The following FAF1 variants were observed in gnomAD, a reference collection of about 807,000 sequenced individuals.
The protein encoded by FAF1 is FAS-associated factor 1.
In FAF1, 25 loss-of-function variants were observed where a neutral mutation model predicts 92.5. The ratio of observed to expected loss-of-function variants is 0.27; its 90% CI spans 0.20 to 0.38. FAF1 has a LOEUF of 0.38. Ranked by LOEUF, FAF1 falls within the 10% of genes least tolerant of loss-of-function variation. The pLI, the probability that FAF1 is intolerant of heterozygous loss-of-function variation, is 1.00. For synonymous variants in FAF1, 234 were observed against 273.2 expected, an observed-to-expected ratio of 0.86 and a Z score of 1.42; for missense variants, 636 against 793.3, an observed-to-expected ratio of 0.80 and a Z score of 2.38.
chr1:50,908,655 T>C lies in FAF1; in HGVS notation c.46-50658A>G, dbSNP rs1311912257. 7.9e-5 allele frequency among the ~76,000 whole-genome samples: 12 copies of C among 152,290 alleles called. No homozygotes were observed. In the East Asian group the frequency reaches 2.1e-3, roughly 27 times the overall value. On this transcript the variant is annotated intron_variant, in intron 1 of 18. Transcript: ENST00000396153. Reference sequence around the variant, plus strand: ...CCTTCTTTGTCTCTTTTGATCTTTGTTGGTTTAAAGTCTGTTTTATCAGAG... The same window carrying C: ...CCTTCTTTGTCTCTTTTGATCTTTGCTGGTTTAAAGTCTGTTTTATCAGAG...
At chr1:50,796,460 C>T (rs931758511) in intron 3 of FAF1, among the ~76,000 whole-genome samples, 3 of 152,148 alleles carry the variant, frequency 2.0e-5, no homozygotes, top group Non-Finnish European at 1.5e-5. Context: ...AGGGCTCTTC[C>T]GCTGAGCTAC....
rs34177866 is a variant in FAF1, at chr1:50,624,897, CTTT to C, written c.745-28684_745-28682del. On this transcript the variant is annotated intron_variant, in intron 8 of 18. Coordinates refer to ENST00000396153, the MANE Select transcript of FAF1 (RefSeq NM_007051.3). ...TTATACAGCACTAGAATCCCACACT[CTTT>C]TTTTTTTTTTTTTTTTTTGAGAAGC... 6.2e-3 allele frequency among the ~76,000 whole-genome samples: 777 copies of C among 124,744 alleles called. 7 individuals carry two copies. The highest frequency in any genetic ancestry group is 0.023 in the African/African-American group (735 of 32,630). The allele number at this position is 124,744 out of a possible 152,430, so 81.8% of individuals were successfully genotyped here.
At chr1:50,611,733 A>G (rs1652694667) in intron 8 of FAF1, among the ~76,000 whole-genome samples, 2 of 152,198 alleles carry the variant, frequency 1.3e-5, no homozygotes, top group South Asian at 2.1e-4. Context: ...GTGGACAGAT[A>G]CGTATTTTTC....
intron 8 of FAF1, among the ~76,000 whole-genome samples, chr1:50,597,942 T>G (rs1349549470): frequency 6.6e-6 from 1 of 152,086 alleles, no homozygotes. Flanking sequence ...AAACTCAGAG[T>G]GTCCTGAGTT....
intron 4 of FAF1, among the ~76,000 whole-genome samples, chr1:50,760,166 G>C (rs1307052296): frequency 6.6e-6 from 1 of 152,024 alleles, no homozygotes; most frequent in African/African-American, 2.4e-5. Flanking sequence ...ACCCAATACA[G>C]GAGCACCCAG....
At position 50,539,663 on chromosome 1, in the gene FAF1, G is replaced by A. The variant is rs370024425; in HGVS notation, c.1334C>T (p.Thr445Met). The change falls in exon 14 of 19, where the codon ACG becomes ATG. Residue 445 changes from threonine (T) to methionine (M), a missense_variant. This residue lies in a region of FAF1 where 319 missense variants were observed against 451.0 expected (regional missense o/e 0.71). Coordinates refer to ENST00000396153, the MANE Select transcript of FAF1 (RefSeq NM_007051.3). Reference sequence around the variant, plus strand: ...AATCAGGAAAAGCGGAAACTGATCCGTTTTTTGAGTCCGAATGGTTTGTGC... The same window carrying A: ...AATCAGGAAAAGCGGAAACTGATCCATTTTTTGAGTCCGAATGGTTTGTGC... ...VVAQTIRTQK[T>M]DQFPLFLIIM... 40 of 1,611,776 alleles carry A rather than the reference G, an allele frequency of 2.5e-5. No homozygotes were observed. The highest frequency in any genetic ancestry group is 4.5e-5 in the East Asian group (2 of 44,840).
intron 1 of FAF1, among the ~76,000 whole-genome samples, chr1:50,924,991 A>G (rs7511771): frequency 1.3e-5 from 2 of 152,244 alleles, no homozygotes; most frequent in Non-Finnish European, 2.9e-5. Context: ...CTCAAAAAAC[A>G]TAACAAAACA....
chr1:50,565,209 G>GT (rs1208414044), intron 13 of FAF1, among the ~76,000 whole-genome samples: 1 of 151,986 alleles, frequency 6.6e-6, no homozygotes, highest in Non-Finnish European at 1.5e-5. Context: ...AGGATGCCAA[G>GT]TATCTTAAAT....
intron 4 of FAF1, among the ~76,000 whole-genome samples, chr1:50,762,500 C>A (rs1660369055): frequency 6.6e-6 from 1 of 151,748 alleles, no homozygotes; most frequent in Non-Finnish European, 1.5e-5. Flanking sequence ...AGATATAGAT[C>A]AATGGAACAG....
chr1:50,862,011 A>G (rs1477270240), intron 1 of FAF1, among the ~76,000 whole-genome samples: 3 of 151,870 alleles, frequency 2.0e-5, no homozygotes, highest in Admixed American at 2.0e-4. Flanking sequence ...GGACAAATAG[A>G]CTAAGACAGG....
intron 1 of FAF1, among the ~76,000 whole-genome samples, chr1:50,912,298 A>G (rs1384240999): frequency 6.6e-6 from 1 of 152,192 alleles, no homozygotes; most frequent in East Asian, 1.9e-4. Context: ...TTTAAAATAC[A>G]GGTTTTTAGA....
intron 6 of FAF1, among the ~76,000 whole-genome samples, chr1:50,706,797 G>A (rs112446754): frequency 0.035 from 5,271 of 152,260 alleles, 138 homozygotes; most frequent in Middle Eastern, 0.071. Context: ...ATTTTGCCAT[G>A]CCTATGGTAC....
intron 7 of FAF1, among the ~76,000 whole-genome samples, chr1:50,658,184 A>G (rs1473692805): frequency 6.6e-6 from 1 of 152,036 alleles, no homozygotes; most frequent in Non-Finnish European, 1.5e-5. Context: ...AGACAAAATA[A>G]TTTCTTAAAA....
intron 4 of FAF1, among the ~76,000 whole-genome samples, chr1:50,777,915 A>G (rs1362741399): frequency 3.3e-5 from 5 of 152,184 alleles, no homozygotes; most frequent in Non-Finnish European, 1.5e-5. Flanking sequence ...TGCTAACTCT[A>G]AACAAACATA....
intron 15 of FAF1, among the ~76,000 whole-genome samples, chr1:50,498,560 T>C (rs576227966): frequency 2.0e-5 from 3 of 152,092 alleles, no homozygotes; most frequent in Non-Finnish European, 4.4e-5. Context: ...CTAAACAAGC[T>C]AATTAAAAAA....
At position 50,543,465 on chromosome 1, in the gene FAF1, C is replaced by T. The variant is rs367759550; in HGVS notation, c.1269-3737G>A. 1.4e-4 allele frequency among the ~76,000 whole-genome samples: 21 copies of T among 152,242 alleles called. 1 individual carries two copies. The highest frequency in any genetic ancestry group is 5.1e-4 in the African/African-American group (21 of 41,550). ...GTGATTCCCATGAGTTTAAAAGAGCCTCAGGTATAAAGTGGAAATAACACT... is the reference window on the plus strand; with the variant it reads ...GTGATTCCCATGAGTTTAAAAGAGCTTCAGGTATAAAGTGGAAATAACACT... On this transcript the variant is annotated intron_variant, in intron 13 of 18. Coordinates refer to ENST00000396153, the MANE Select transcript of FAF1 (RefSeq NM_007051.3).
At chr1:50,784,752 G>A (rs1287074033) in intron 4 of FAF1, among the ~76,000 whole-genome samples, 1 of 152,106 alleles carries the variant, frequency 6.6e-6, no homozygotes, top group Non-Finnish European at 1.5e-5. Context: ...CAAAGCTGGA[G>A]GCCTCCTACT....
chr1:50,898,434 C>T (rs1026707334), intron 1 of FAF1, among the ~76,000 whole-genome samples: 1 of 152,148 alleles, frequency 6.6e-6, no homozygotes, highest in Non-Finnish European at 1.5e-5. Context: ...TATATTTGAG[C>T]TTGTCCTATA....
rs1369298041 is a variant in FAF1, at chr1:50,478,417, T to A, written c.1654-2738A>T. 2.0e-5 allele frequency among the ~76,000 whole-genome samples: 3 copies of A among 152,078 alleles called. No individual in the cohort carries two copies. In the East Asian group the frequency reaches 5.8e-4, roughly 29 times the overall value. On this transcript the variant is annotated intron_variant, in intron 17 of 18. Coordinates refer to ENST00000396153, the MANE Select transcript of FAF1 (RefSeq NM_007051.3). Reference sequence around the variant, plus strand: ...ACCTCAAGTGATCCATCCACCTAGGTCTCCCAAAGTGCTGGGATTACAGGT... The same window carrying A: ...ACCTCAAGTGATCCATCCACCTAGGACTCCCAAAGTGCTGGGATTACAGGT...
Sources: gnomAD v4.1 joint callset for allele counts (sites outside exome capture counted in the v4.1 genomes callset) on GRCh38, gnomAD v4.1.1 for gene constraint, gnomAD v4.1.1 regional missense constraint, MANE v1.5 for transcripts, NCBI Gene and HGNC (gene_info 2026-07-23, HGNC 2026-07-21) for gene names.